The following SERPINE3 variants were observed in gnomAD, a reference collection of about 807,000 sequenced individuals.
The protein encoded by SERPINE3 is serpin family E member 3.
A neutral mutation model predicts 41.7 loss-of-function variants in SERPINE3; 43 were observed. The ratio of observed to expected loss-of-function variants is 1.03; its 90% CI spans 0.81 to 1.33. SERPINE3 has a LOEUF of 1.33. Ranked by LOEUF, SERPINE3 falls within the 40% of genes most tolerant of loss-of-function variation. The probability of loss-of-function intolerance (pLI) is 0.00; values close to 1 mark genes in which losing one functional copy is unlikely to be tolerated. For missense variants in SERPINE3, 440 were observed against 491.7 expected (o/e 0.89, Z 0.99); for synonymous variants, 200 against 192.2 (o/e 1.04, Z -0.34).
chr13:51,360,143 CTGTG>C (rs1422414865), intron 7 of SERPINE3, among the ~76,000 whole-genome samples: 1 of 152,090 alleles, frequency 6.6e-6, no homozygotes, highest in Non-Finnish European at 1.5e-5. Context: ...GGGCTATCTC[CTGTG>C]TGTGCGTGAC....
At chr13:51,356,934 T>C (rs995636041) in intron 7 of SERPINE3, among the ~76,000 whole-genome samples, 1 of 152,176 alleles carries the variant, frequency 6.6e-6, no homozygotes, top group African/African-American at 2.4e-5. Flanking sequence ...TGACAAAACA[T>C]GCCAGTCTGT....
chr13:51,342,645 C>T (rs1955305698), intron 3 of SERPINE3, among the ~76,000 whole-genome samples: 1 of 152,152 alleles, frequency 6.6e-6, no homozygotes, highest in Admixed American at 6.5e-5. Context: ...ATGTTTCTGA[C>T]TAAAAGAATG....
intron 8 of SERPINE3, 24 bp from the exon 9 acceptor site, chr13:51,361,786 G>A: frequency 6.4e-7 from 1 of 1,565,720 alleles, no homozygotes; most frequent in Non-Finnish European, 8.6e-7. Flanking sequence ...AAAATGCAAT[G>A]GAATTTTTCT....
chr13:51,356,927 C>A (rs1441922557), intron 7 of SERPINE3, among the ~76,000 whole-genome samples: 1 of 152,092 alleles, frequency 6.6e-6, no homozygotes, highest in Non-Finnish European at 1.5e-5. Context: ...TTCCTACTGA[C>A]AAAACATGCC....
chr13:51,348,319 C>A lies in SERPINE3; in HGVS notation c.807C>A (p.Pro269=), dbSNP rs943541202. The A allele has an allele frequency of 4.3e-6, 7 of 1,613,738 alleles. No homozygotes were observed. Among genetic ancestry groups the A allele is most frequent in the Non-Finnish European group, 5.9e-6 (7 of 1,179,854 alleles). Residue 269 remains proline (P), a synonymous_variant, in exon 6 of 10, where the codon CCC becomes CCA. Transcript: ENST00000681248. The stretch of plus-strand genomic sequence containing the variant: ...TGCTGCCCCGTGACAAAGACACCCC[C>A]CTGAGCCACATCGAGCCACACCTCA... ...FLVLPRDKDT[P]LSHIEPHLTA... is the part of the protein sequence containing the mutation.
Position 51,361,291 on chromosome 13 carries a change from T to G in SERPINE3, c.1014T>G (p.Phe338Leu). Residue 338 changes from phenylalanine to leucine, a missense_variant, in exon 8 of 10, where the codon TTT becomes TTG. Transcript: ENST00000681248. ...NLKGISGQDG[F>L]YVSEAIHKAK... is the part of the protein sequence containing the mutation. The stretch of plus-strand genomic sequence containing the variant: ...TTCTGTGGTTAGGCCAAGATGGCTT[T>G]TATGTTTCTGAAGCAATCCACAAGG... 1 of 1,609,136 alleles carries G rather than the reference T, an allele frequency of 6.2e-7. No individual in the cohort carries two copies. The highest frequency in any genetic ancestry group is 1.3e-5 in the African/African-American group (1 of 74,844).
Position 51,364,454 on chromosome 13 carries a change from T to C in SERPINE3, c.*172T>C. On this transcript the variant is annotated 3_prime_UTR_variant, in exon 10 of 10. Coordinates refer to ENST00000681248, the MANE Select transcript of SERPINE3 (RefSeq NM_001386375.1). The stretch of plus-strand genomic sequence containing the variant: ...AGTTTTTAAATGTTATAAGTTTATT[T>C]TGCCTACTCTTAATCCAAATCTATT... The C allele has an allele frequency of 2.0e-6, 1 of 506,736 alleles. No homozygotes were observed. The highest frequency in any genetic ancestry group is 2.0e-5 in the African/African-American group (1 of 50,668). The allele number at this position is 506,736 out of a possible 1,614,324, so 31.4% of individuals were successfully genotyped here. A position where few individuals can be genotyped will look rare whatever the true frequency, so the allele number is the denominator to read the frequency against.
At chr13:51,347,293 G>A in intron 5 of SERPINE3, 59 bp downstream of exon 5, 4 of 1,443,840 alleles carry the variant, frequency 2.8e-6, no homozygotes, top group Non-Finnish European at 2.9e-6. Flanking sequence ...CTGAGGGCAG[G>A]AGAGAGGAGG....
At chr13:51,359,383 G>C (rs917313391) in intron 7 of SERPINE3, among the ~76,000 whole-genome samples, 4 of 152,092 alleles carry the variant, frequency 2.6e-5, no homozygotes, top group African/African-American at 9.7e-5. Flanking sequence ...ACTCTTACCA[G>C]AGATAAAATT....
chr13:51,357,782 AG>A (rs1393508703), intron 7 of SERPINE3, among the ~76,000 whole-genome samples: 4 of 152,218 alleles, frequency 2.6e-5, no homozygotes, highest in Middle Eastern at 3.4e-3. Context: ...CACTGGCTTT[AG>A]GATCAGCAGG....
chr13:51,362,198 A>C, intron 9 of SERPINE3: 1 of 651,476 alleles, frequency 1.5e-6, no homozygotes, highest in Non-Finnish European at 2.3e-6. Context: ...TCATGAAAGT[A>C]AAATAAATTA....
At chr13:51,344,168 T>C in intron 3 of SERPINE3, 84 bp from the exon 4 acceptor site, 1 of 965,772 alleles carries the variant, frequency 1.0e-6, no homozygotes, top group South Asian at 1.4e-5. Flanking sequence ...TGGCGTTCCA[T>C]CTCAATGCAA....
chr13:51,353,055 T>C (rs948767200), intron 6 of SERPINE3, among the ~76,000 whole-genome samples: 4 of 152,192 alleles, frequency 2.6e-5, no homozygotes, highest in African/African-American at 4.8e-5. Flanking sequence ...CTGTAATTTG[T>C]CTTTCTTGTA....
chr13:51,357,391 C>A (rs79174488), intron 7 of SERPINE3, among the ~76,000 whole-genome samples: 12 of 152,206 alleles, frequency 7.9e-5, no homozygotes, highest in African/African-American at 2.4e-4. Context: ...TCAGCAGAGA[C>A]CTTGCCAGAG....
intron 6 of SERPINE3, among the ~76,000 whole-genome samples, chr13:51,350,490 A>G (rs139501290): frequency 1.6e-3 from 250 of 152,318 alleles, no homozygotes; most frequent in African/African-American, 5.9e-3. Flanking sequence ...GAGCATGAGC[A>G]TGTTTTGATA....
chr13:51,356,667 T>C (rs1489005588), intron 7 of SERPINE3, among the ~76,000 whole-genome samples: 1 of 152,124 alleles, frequency 6.6e-6, no homozygotes, highest in Non-Finnish European at 1.5e-5. Flanking sequence ...ACAGGACTGA[T>C]CTTAACACAC....
chr13:51,348,132 C>A, intron 5 of SERPINE3, 81 bp from the exon 6 acceptor site: 2 of 1,105,304 alleles, frequency 1.8e-6, no homozygotes. Flanking sequence ...GTCCTCTGAG[C>A]CAGCCTCTCT....
At chr13:51,342,863 TTAC>T (rs1389908279) in intron 3 of SERPINE3, among the ~76,000 whole-genome samples, 2 of 152,230 alleles carry the variant, frequency 1.3e-5, no homozygotes, top group Non-Finnish European at 2.9e-5. Flanking sequence ...CATTTTTTTC[TTAC>T]TACACTCAAA....
rs568185127 is a variant in SERPINE3, at chr13:51,347,961, C to T, written c.701-252C>T. ...TGGTTCTGCATGTGCCATCGTCCCCCCCCCCATACCCAGTCCTAGAGAACC... is the reference window on the plus strand; with the variant it reads ...TGGTTCTGCATGTGCCATCGTCCCCTCCCCCATACCCAGTCCTAGAGAACC... On this transcript the variant is annotated intron_variant, in intron 5 of 9. Coordinates refer to ENST00000681248, the MANE Select transcript of SERPINE3 (RefSeq NM_001386375.1). 2.9e-4 allele frequency among the ~76,000 whole-genome samples: 44 copies of T among 152,186 alleles called. No homozygotes were observed. In the East Asian group the frequency reaches 7.9e-3, roughly 27 times the overall value.
Sources: gnomAD v4.1 joint callset for allele counts (sites outside exome capture counted in the v4.1 genomes callset) on GRCh38, gnomAD v4.1.1 for gene constraint, MANE v1.5 for transcripts, NCBI Gene and HGNC (gene_info 2026-07-23, HGNC 2026-07-21) for gene names.